The following RARB variants were observed in gnomAD, a reference collection of about 807,000 sequenced individuals.
RARB encodes retinoic acid receptor beta, also known as HBV-activated protein.
A neutral mutation model predicts 51.9 loss-of-function variants in RARB; 17 were observed. That is an observed-to-expected ratio of 0.33 (90% CI 0.22 to 0.49). The LOEUF is 0.49. Among genes scored for constraint, RARB ranks in the 20% least tolerant of loss-of-function variants. The pLI is 0.99. For missense variants in RARB, 369 were observed against 550.8 expected, an observed-to-expected ratio of 0.67 and a Z score of 3.30; for synonymous variants, 215 against 195.4, an observed-to-expected ratio of 1.10 and a Z score of -0.84.
At chr3:25,424,106 A>C (rs1420073640), upstream of RARB, among the ~76,000 whole-genome samples, 2 of 152,202 alleles carry the variant, frequency 1.3e-5, no homozygotes, top group East Asian at 3.8e-4. Flanking sequence ...AAAAGCAGAG[A>C]GCTGAAGAGA....
intron 5 of RARB, among the ~76,000 whole-genome samples, chr3:25,254,888 A>G (rs1559333638): frequency 1.3e-5 from 2 of 152,128 alleles, no homozygotes; most frequent in Non-Finnish European, 2.9e-5. Flanking sequence ...GTTTGGATTG[A>G]GAATATTATT....
At chr3:24,994,278 A>T (rs1383098297) in intron 2 of RARB, among the ~76,000 whole-genome samples, 1 of 148,828 alleles carries the variant, frequency 6.7e-6, no homozygotes. Context: ...ATTTTTCTAT[A>T]TATTTGTTGA....
intron 3 of RARB, among the ~76,000 whole-genome samples, chr3:25,545,644 C>T (rs1234201123): frequency 6.6e-6 from 1 of 152,176 alleles, no homozygotes; most frequent in Non-Finnish European, 1.5e-5. Flanking sequence ...CAGAACACCT[C>T]TCTGCATTGT....
intron 1 of RARB, among the ~76,000 whole-genome samples, chr3:25,445,314 C>T (rs867099359): frequency 4.6e-5 from 7 of 152,240 alleles, no homozygotes; most frequent in African/African-American, 1.4e-4. Context: ...CAGTTCACCA[C>T]GTTGCCGTAA....
intron 5 of RARB, among the ~76,000 whole-genome samples, chr3:25,239,784 G>A (rs1702387140): frequency 6.6e-6 from 1 of 152,036 alleles, no homozygotes; most frequent in African/African-American, 2.4e-5. Context: ...GGTTATTCAG[G>A]CTCTTTTTTG....
rs113359512 is a variant in RARB, at chr3:24,962,413, G to A, written c.-379-97712G>A. On this transcript the variant is annotated intron_variant, in intron 2 of 11. Transcript: ENST00000383772. ...CATCAACCCTCAGTCCTGACAATCA[G>A]ATATGTCTCAAGGCACTGCTGAATA... Among the ~76,000 whole-genome samples, 230 of 152,248 alleles carry A rather than the reference G, an allele frequency of 1.5e-3. No homozygotes were observed. In the Middle Eastern group the frequency reaches 0.017, roughly 11 times the overall value.
chr3:25,475,717 C>T (rs1432603), intron 2 of RARB, among the ~76,000 whole-genome samples: 116,309 of 152,038 alleles, frequency 0.77, 44,695 homozygotes, highest in Middle Eastern at 0.88. Context: ...CATATCCACG[C>T]TGACCAATAA....
intron 5 of RARB, among the ~76,000 whole-genome samples, chr3:25,316,143 T>C (rs1181684890): frequency 6.6e-6 from 1 of 152,212 alleles, no homozygotes; most frequent in African/African-American, 2.4e-5. Flanking sequence ...ATAAGCTTTT[T>C]TTATGAGGCA....
chr3:25,103,014 C>T (rs1416855050), intron 3 of RARB, among the ~76,000 whole-genome samples: 2 of 152,144 alleles, frequency 1.3e-5, no homozygotes, highest in Non-Finnish European at 1.5e-5. Context: ...TGCGCCACTG[C>T]ACTAGAACTG....
In RARB at chr3:25,534,906, A is replaced by G. The variant is rs1173204391; in HGVS notation, c.448+33583A>G. On this transcript the variant is annotated intron_variant, in intron 3 of 7. Coordinates refer to ENST00000330688, the MANE Select transcript of RARB (RefSeq NM_000965.5). Reference sequence around the variant, plus strand: ...CTCCAGAGACCCTTCCTTCAGGTGCACCCAGATGTGTCATTCTGAAGCCCA... The same window carrying G: ...CTCCAGAGACCCTTCCTTCAGGTGCGCCCAGATGTGTCATTCTGAAGCCCA... Among the ~76,000 whole-genome samples the G allele has an allele frequency of 2.0e-5, 3 of 152,248 alleles. No individual in the cohort carries two copies. In the East Asian group the frequency reaches 5.8e-4, roughly 29 times the overall value.
intron 2 of RARB, among the ~76,000 whole-genome samples, chr3:25,473,728 T>C (rs762757031): frequency 3.5e-4 from 53 of 152,080 alleles, no homozygotes; most frequent in Non-Finnish European, 7.1e-4. Context: ...CTTCTTAACT[T>C]GTTCTCAAGT....
chr3:25,315,298 T>A (rs1206154802), intron 5 of RARB, among the ~76,000 whole-genome samples: 1 of 152,180 alleles, frequency 6.6e-6, no homozygotes, highest in African/African-American at 2.4e-5. Context: ...GATAGGGGCT[T>A]ACTTGAGAAG....
intron 5 of RARB, among the ~76,000 whole-genome samples, chr3:25,261,885 C>T (rs1254506319): frequency 6.6e-6 from 1 of 152,110 alleles, no homozygotes; most frequent in Non-Finnish European, 1.5e-5. Context: ...TTCTGACTCT[C>T]ACTAATTCAA....
At chr3:25,453,914 A>G (rs1469504722) in intron 1 of RARB, among the ~76,000 whole-genome samples, 3 of 152,204 alleles carry the variant, frequency 2.0e-5, no homozygotes, top group Non-Finnish European at 2.9e-5. Context: ...ATAATAACAA[A>G]GCCAGCAGCA....
At chr3:25,200,965 C>G (rs1401305500) in intron 5 of RARB, among the ~76,000 whole-genome samples, 1 of 152,082 alleles carries the variant, frequency 6.6e-6, no homozygotes, top group East Asian at 1.9e-4. Context: ...GTAGTTTTTT[C>G]CAATTCTGTG....
intron 5 of RARB, among the ~76,000 whole-genome samples, chr3:25,392,620 A>C (rs1575366822): frequency 6.6e-6 from 1 of 151,828 alleles, no homozygotes; most frequent in Admixed American, 6.6e-5. Flanking sequence ...TTGGTTAGCT[A>C]TATTCCTATG....
At chr3:25,200,377 T>C (rs1377857401) in intron 5 of RARB, among the ~76,000 whole-genome samples, 1 of 152,132 alleles carries the variant, frequency 6.6e-6, no homozygotes, top group Admixed American at 6.6e-5. Context: ...AAAAATTTTC[T>C]CCCATTCTGT....
At chr3:25,417,061 A>G (rs1300034162) in intron 5 of RARB, among the ~76,000 whole-genome samples, 2 of 152,124 alleles carry the variant, frequency 1.3e-5, no homozygotes, top group East Asian at 3.9e-4. Context: ...CTCTCCAAAT[A>G]CAGCCCACAT....
chr3:25,260,929 G>A (rs1702983585), intron 5 of RARB, among the ~76,000 whole-genome samples: 1 of 152,122 alleles, frequency 6.6e-6, no homozygotes, highest in African/African-American at 2.4e-5. Context: ...TTAGTAGTTA[G>A]GAAAATAGCC....
Sources: gnomAD v4.1 joint callset for allele counts (sites outside exome capture counted in the v4.1 genomes callset) on GRCh38, gnomAD v4.1.1 for gene constraint, MANE v1.5 for transcripts, NCBI Gene and HGNC (gene_info 2026-07-23, HGNC 2026-07-21) for gene names.